The following NALCN variants were observed in gnomAD, a reference collection of about 807,000 sequenced individuals.
The protein encoded by NALCN is sodium leak channel, non-selective.
In NALCN, 111 loss-of-function variants were observed where a neutral mutation model predicts 225.3. The ratio of observed to expected loss-of-function variants is 0.49; its 90% CI spans 0.42 to 0.58. The LOEUF (loss-of-function observed/expected upper bound fraction) is 0.58, where lower values mean the gene tolerates loss of function less well. NALCN is among the 20% of genes least tolerant of loss of function. The pLI, the probability that NALCN is intolerant of heterozygous loss-of-function variation, is 0.00. For missense variants in NALCN, 1,378 were observed against 2,202.4 expected (o/e 0.63, Z 7.49); for synonymous variants, 764 against 769.0 (o/e 0.99, Z 0.11).
intron 17 of NALCN, among the ~76,000 whole-genome samples, chr13:101,128,661 G>A (rs1381792609): frequency 1.3e-5 from 2 of 151,878 alleles, no homozygotes; most frequent in South Asian, 2.1e-4. Context: ...GGGCTGAATC[G>A]ATCCTCCTGT....
intron 37 of NALCN, 94 bp from the exon 38 acceptor site, chr13:101,068,921 T>G (rs982600924): frequency 4.7e-5 from 61 of 1,307,058 alleles, no homozygotes; most frequent in Non-Finnish European, 6.1e-5. Flanking sequence ...TTCCTAAACA[T>G]ATAGCATATA....
intron 17 of NALCN, among the ~76,000 whole-genome samples, chr13:101,135,637 G>T (rs61973996): frequency 6.6e-6 from 1 of 151,906 alleles, no homozygotes; most frequent in Non-Finnish European, 1.5e-5. Context: ...CAGGTGATCC[G>T]CCAGCCTTGG....
chr13:101,373,958 A>C (rs1356755122), intron 6 of NALCN, among the ~76,000 whole-genome samples: 1 of 152,162 alleles, frequency 6.6e-6, no homozygotes, highest in Non-Finnish European at 1.5e-5. Context: ...CAAAATCTCA[A>C]TAAAGTGGTT....
chr13:101,114,425 T>TTC (rs10538126), intron 18 of NALCN, among the ~76,000 whole-genome samples: 7,206 of 147,376 alleles, frequency 0.049, 207 homozygotes, highest in Non-Finnish European at 0.057. Flanking sequence ...AGCATATTCA[T>TTC]TCTCTCTCTC....
chr13:101,257,905 C>T (rs770017722), intron 11 of NALCN, among the ~76,000 whole-genome samples: 3 of 152,080 alleles, frequency 2.0e-5, no homozygotes, highest in Non-Finnish European at 4.4e-5. Context: ...TATTCCAAAA[C>T]TGTAATATGA....
At position 101,075,918 on chromosome 13, in the gene NALCN, G is replaced by T. The variant is rs143218624; in HGVS notation, c.3909C>A (p.Gly1303=). 1 of 1,609,552 alleles carries T rather than the reference G, an allele frequency of 6.2e-7. No homozygotes were observed. The highest frequency in any genetic ancestry group is 1.3e-5 in the African/African-American group (1 of 74,752). The change falls in exon 35 of 44, where the codon GGC becomes GGA. Residue 1303 remains glycine (G), a synonymous_variant. Coordinates refer to ENST00000251127, the MANE Select transcript of NALCN (RefSeq NM_052867.4). ...ALLNAYTYMM[G]ACVIVFRFFS... ...AAAACCTAAATACAATCACACAAGC[G>T]CCCATCATGTAAGTATATGCATTCT...
At chr13:101,258,654 C>T (rs1174973791) in intron 10 of NALCN, 80 bp from the exon 11 acceptor site, 2 of 1,582,362 alleles carry the variant, frequency 1.3e-6, no homozygotes, top group Non-Finnish European at 1.7e-6. Context: ...CCTTGGCTGA[C>T]AGCACCTTTG....
At chr13:101,408,448 C>T (rs953817187) in intron 1 of NALCN, among the ~76,000 whole-genome samples, 1 of 152,160 alleles carries the variant, frequency 6.6e-6, no homozygotes, top group Non-Finnish European at 1.5e-5. Flanking sequence ...GCGTCTCCCC[C>T]AGCAACACAG....
At chr13:101,407,033 T>C (rs72654890) in intron 1 of NALCN, among the ~76,000 whole-genome samples, 1,618 of 152,322 alleles carry the variant, frequency 0.011, 9 homozygotes, top group Non-Finnish European at 0.016. Flanking sequence ...ATGTAATTTT[T>C]TACAGAGATT....
intron 6 of NALCN, among the ~76,000 whole-genome samples, chr13:101,367,628 A>C (rs1397918402): frequency 6.6e-6 from 1 of 152,190 alleles, no homozygotes; most frequent in Admixed American, 6.6e-5. Flanking sequence ...TGGAGTAAAA[A>C]TCAACTCTAA....
chr13:101,256,462 T>G (rs1348717788), intron 11 of NALCN, among the ~76,000 whole-genome samples: 1 of 152,198 alleles, frequency 6.6e-6, no homozygotes, highest in Non-Finnish European at 1.5e-5. Flanking sequence ...TCCCTCTTCT[T>G]ATACAGGGCT....
chr13:101,350,788 T>C (rs147534847), intron 6 of NALCN, among the ~76,000 whole-genome samples: 119 of 152,290 alleles, frequency 7.8e-4, no homozygotes, highest in Middle Eastern at 3.4e-3. Flanking sequence ...ACTCATCTTA[T>C]TAATAGGAAA....
At chr13:101,140,570 G>T (rs2037026928) in intron 17 of NALCN, among the ~76,000 whole-genome samples, 1 of 152,138 alleles carries the variant, frequency 6.6e-6, no homozygotes, top group Non-Finnish European at 1.5e-5. Flanking sequence ...CTTACAATCT[G>T]CTTTGGAAAC....
At chr13:101,362,957 AAAAT>A (rs1226313700) in intron 6 of NALCN, among the ~76,000 whole-genome samples, 1 of 152,154 alleles carries the variant, frequency 6.6e-6, no homozygotes, top group Non-Finnish European at 1.5e-5. Flanking sequence ...AACAATCTGA[AAAAT>A]AAATCAAGAA....
intron 40 of NALCN, among the ~76,000 whole-genome samples, chr13:101,064,748 G>C (rs866980311): frequency 6.6e-6 from 1 of 152,022 alleles, no homozygotes; most frequent in Non-Finnish European, 1.5e-5. Context: ...CCTCCATCTC[G>C]GGCTTCCAGC....
intron 10 of NALCN, among the ~76,000 whole-genome samples, chr13:101,268,844 C>T (rs551118816): frequency 3.4e-4 from 51 of 152,086 alleles, no homozygotes; most frequent in Non-Finnish European, 6.0e-4. Flanking sequence ...GAGTACAATG[C>T]CATAATGGAT....
chr13:101,191,607 C>T (rs1375181737), intron 14 of NALCN, among the ~76,000 whole-genome samples: 1 of 152,084 alleles, frequency 6.6e-6, no homozygotes, highest in Non-Finnish European at 1.5e-5. Flanking sequence ...CGGTTTGATC[C>T]TGAGATCATC....
chr13:101,151,122 T>G (rs2037626194), intron 15 of NALCN, among the ~76,000 whole-genome samples: 2 of 152,200 alleles, frequency 1.3e-5, no homozygotes, highest in South Asian at 2.1e-4. Flanking sequence ...CTAAGCTCAG[T>G]GCTATTCTAC....
In NALCN at chr13:101,197,140, C is replaced by T. The variant is rs1266139713; in HGVS notation, c.1627-5086G>A. ...GAGTGGTTCTTATCACTTTCCAGGG[C>T]TCTGCATAGCCCTTTGGCCACAGAC... On this transcript the variant is annotated intron_variant, in intron 13 of 43. Coordinates refer to ENST00000251127, the MANE Select transcript of NALCN (RefSeq NM_052867.4). Among the ~76,000 whole-genome samples the T allele has an allele frequency of 2.8e-4, 42 of 152,128 alleles. 1 individual carries two copies. Among genetic ancestry groups the T allele is most frequent in the Admixed American group, 2.8e-3 (42 of 15,266 alleles).
Sources: allele counts gnomAD v4.1 joint callset (sites outside exome capture counted in the v4.1 genomes callset), GRCh38; gene constraint gnomAD v4.1.1; transcripts MANE v1.5; gene names NCBI Gene and HGNC (gene_info 2026-07-23, HGNC 2026-07-21).